The following YEATS2 variants were observed in gnomAD, a reference collection of about 807,000 sequenced individuals.
The protein encoded by YEATS2 is YEATS domain containing 2, also known as YEATS domain-containing protein 2.
A neutral mutation model predicts 163.2 loss-of-function variants in YEATS2; 77 were observed. The observed-to-expected ratio is 0.47, with a 90% CI of 0.39 to 0.57. The LOEUF is 0.57. YEATS2 is among the 20% of genes least tolerant of loss of function. The pLI, the probability that YEATS2 is intolerant of heterozygous loss-of-function variation, is 0.00. For missense variants in YEATS2, 1,549 were observed against 1,729.8 expected (o/e 0.90, Z 1.85); for synonymous variants, 631 against 645.1 (o/e 0.98, Z 0.33).
At chr3:183,800,959 T>C (rs1725615474) in intron 24 of YEATS2, 1 of 181,684 alleles carries the variant, frequency 5.5e-6, no homozygotes, top group Admixed American at 5.5e-5. Flanking sequence ...TCATGGGCTA[T>C]ATACACTCTT....
chr3:183,735,603 C>T (rs1718252441), intron 7 of YEATS2, among the ~76,000 whole-genome samples: 2 of 152,222 alleles, frequency 1.3e-5, no homozygotes, highest in Admixed American at 6.5e-5. Flanking sequence ...ACATCTGTTA[C>T]ACTCTTTTCA....
chr3:183,752,448 A>G (rs1720270153), intron 10 of YEATS2, among the ~76,000 whole-genome samples, 195 bp downstream of exon 10: 1 of 152,092 alleles, frequency 6.6e-6, no homozygotes, highest in Non-Finnish European at 1.5e-5. Flanking sequence ...TGTGGTTCAC[A>G]CCTGTAATCC....
At chr3:183,733,364 T>A (rs1577077157) in intron 7 of YEATS2, among the ~76,000 whole-genome samples, 1 of 152,228 alleles carries the variant, frequency 6.6e-6, no homozygotes, top group Non-Finnish European at 1.5e-5. Flanking sequence ...CTCATCCATA[T>A]TTGTTTCAGT....
intron 1 of YEATS2, among the ~76,000 whole-genome samples, chr3:183,703,735 A>G (rs1714343880): frequency 6.6e-6 from 1 of 152,030 alleles, no homozygotes; most frequent in African/African-American, 2.4e-5. Context: ...ATATTCTTAG[A>G]GTGTACATTG....
At chr3:183,728,967 GCT>G in intron 7 of YEATS2, 116 bp downstream of exon 7, 1 of 1,201,710 alleles carries the variant, frequency 8.3e-7, no homozygotes, top group Non-Finnish European at 1.2e-6. Flanking sequence ...TTGAGAATTG[GCT>G]CTTAGTCAAA....
Position 183,799,006 on chromosome 3 carries a change from A to G in YEATS2, c.3325+17A>G, listed in dbSNP as rs375423182. Reference sequence around the variant, plus strand: ...TTGCAAAAGGTACGTAGGATCTCACAGAGTTCTCGTCCAGAAGTTTTGTTA... The same window carrying G: ...TTGCAAAAGGTACGTAGGATCTCACGGAGTTCTCGTCCAGAAGTTTTGTTA... On this transcript the variant is annotated intron_variant, in intron 23 of 30. Transcript: ENST00000305135. 4.3e-5 allele frequency: 68 copies of G among 1,593,586 alleles called. No homozygotes were observed. Among genetic ancestry groups the G allele is most frequent in the Middle Eastern group, 1.7e-4 (1 of 6,060 alleles).
chr3:183,768,808 A>G, intron 15 of YEATS2, among the ~76,000 whole-genome samples: 1 of 152,192 alleles, frequency 6.6e-6, no homozygotes, highest in East Asian at 1.9e-4. Context: ...CCCCGTCTCT[A>G]CTAAAAATAC....
intron 23 of YEATS2, 123 bp from the exon 24 acceptor site, chr3:183,800,343 C>A: frequency 1.5e-6 from 1 of 664,496 alleles, no homozygotes; most frequent in South Asian, 1.9e-5. Flanking sequence ...TGGCTGTGTC[C>A]CCACAACAGC....
intron 15 of YEATS2, among the ~76,000 whole-genome samples, chr3:183,763,943 C>A (rs262988): frequency 0.4 from 60,083 of 151,826 alleles, 12,456 homozygotes; most frequent in Middle Eastern, 0.53. Context: ...TGGCATGCAC[C>A]TGTAATCCCA....
rs915834529 is a variant in YEATS2, at chr3:183,715,955, T to A, written c.100+693T>A. On this transcript the variant is annotated intron_variant, in intron 2 of 30. Transcript: ENST00000305135. ...CTTAAAAAAATTGCTAACTTTACTT[T>A]TTTATTTATTTATTTATTTTTTGAG... is the stretch of plus-strand genomic sequence containing the variant. 7.2e-5 allele frequency among the ~76,000 whole-genome samples: 11 copies of A among 152,048 alleles called. No individual in the cohort carries two copies. In the East Asian group the frequency reaches 7.7e-4, roughly 11 times the overall value.
intron 1 of YEATS2, among the ~76,000 whole-genome samples, chr3:183,713,152 A>G (rs1044835209): frequency 3.3e-4 from 51 of 152,358 alleles, no homozygotes; most frequent in African/African-American, 1.2e-3. Flanking sequence ...ATATAACGTA[A>G]AATCTAATTG....
intron 19 of YEATS2, among the ~76,000 whole-genome samples, chr3:183,780,732 C>G (rs1424946992): frequency 6.6e-6 from 1 of 152,172 alleles, no homozygotes; most frequent in Non-Finnish European, 1.5e-5. Flanking sequence ...TTTAACATGT[C>G]TCTCAGCATT....
Position 183,790,874 on chromosome 3 carries a change from G to T in YEATS2, c.2991G>T (p.Val997=), listed in dbSNP as rs202049712. 6.2e-7 allele frequency: 1 copy of T among 1,614,160 alleles called. No individual in the cohort carries two copies. The highest frequency in any genetic ancestry group is 8.5e-7 in the Non-Finnish European group (1 of 1,180,034). ...TKTSGQQQVC[V]SQATVGTCKA... ...CTTCTGGGCAGCAGCAAGTGTGTGTGAGCCAGGCCACCGTGGGAACCTGCA... is the reference window on the plus strand; with the variant it reads ...CTTCTGGGCAGCAGCAAGTGTGTGTTAGCCAGGCCACCGTGGGAACCTGCA... Residue 997 remains valine, a synonymous_variant, in exon 21 of 31, where the codon GTG becomes GTT. Transcript: ENST00000305135.
intron 11 of YEATS2, among the ~76,000 whole-genome samples, chr3:183,755,551 A>G (rs1560276040): frequency 6.6e-6 from 1 of 152,280 alleles, no homozygotes; most frequent in East Asian, 1.9e-4. Flanking sequence ...AAAAGACAGT[A>G]GAGGATGTTT....
Position 183,728,699 on chromosome 3 carries a change from T to A in YEATS2, c.660T>A (p.Pro220=). ...TTTTCTTCTTCTCTAGGTATATACC[T>A]CCGGATAAGAGGGAAGAAAATGACC... The part of the protein sequence containing the change: ...IVVGNVSKYI[P]PDKREENDQS... The change falls in exon 7 of 31, where the codon CCT becomes CCA. Residue 220 remains proline, a synonymous_variant. Coordinates refer to ENST00000305135, the MANE Select transcript of YEATS2 (RefSeq NM_018023.5). The A allele has an allele frequency of 6.2e-7, 1 of 1,607,376 alleles. No homozygotes were observed. Among genetic ancestry groups the A allele is most frequent in the Non-Finnish European group, 8.5e-7 (1 of 1,178,016 alleles).
chr3:183,784,648 G>A (rs1723881122), intron 19 of YEATS2, among the ~76,000 whole-genome samples: 1 of 151,962 alleles, frequency 6.6e-6, no homozygotes, highest in South Asian at 2.1e-4. Flanking sequence ...TGTTGTTGAT[G>A]CTTCCTGTTT....
At chr3:183,748,781 A>G (rs1434256449) in intron 9 of YEATS2, among the ~76,000 whole-genome samples, 1 of 151,780 alleles carries the variant, frequency 6.6e-6, no homozygotes, top group Non-Finnish European at 1.5e-5. Context: ...TACATTTTTT[A>G]TAGAGACAGT....
chr3:183,748,924 A>G (rs6784584), intron 9 of YEATS2, among the ~76,000 whole-genome samples: 23,749 of 151,518 alleles, frequency 0.16, 2,028 homozygotes, highest in East Asian at 0.31. Flanking sequence ...ATGTGTGTGT[A>G]TATATATATA....
intron 15 of YEATS2, among the ~76,000 whole-genome samples, chr3:183,770,869 C>T (rs1045956021): frequency 2.6e-5 from 4 of 152,122 alleles, no homozygotes; most frequent in African/African-American, 7.2e-5. Context: ...TATGACCTTT[C>T]GTTGTCTGTT....
Sources: gnomAD v4.1 joint callset for allele counts (sites outside exome capture counted in the v4.1 genomes callset) on GRCh38, gnomAD v4.1.1 for gene constraint, MANE v1.5 for transcripts, NCBI Gene and HGNC (gene_info 2026-07-23, HGNC 2026-07-21) for gene names.